Variants in SDK1 observed in about 807,000 individuals in gnomAD.
SDK1 encodes sidekick cell adhesion molecule 1.
Under a neutral mutation model 245.5 loss-of-function variants are expected in SDK1, and 157 were observed. That is an observed-to-expected ratio of 0.64 (90% CI 0.56 to 0.73). The LOEUF (loss-of-function observed/expected upper bound fraction) is 0.73. SDK1 is among the 30% of genes least tolerant of loss of function. The probability of loss-of-function intolerance (pLI) is 0.00; values close to 1 mark genes in which losing one functional copy is unlikely to be tolerated. For missense variants in SDK1, 3,583 were observed against 3,002.3 expected (o/e 1.19, Z -4.52); for synonymous variants, 1,647 against 1,278.5 (o/e 1.29, Z -6.15).
chr7:3,478,422 AT>A (rs1781411665), intron 1 of SDK1, among the ~76,000 whole-genome samples: 1 of 152,032 alleles, frequency 6.6e-6, no homozygotes, highest in African/African-American at 2.4e-5. Context: ...TTTGGGGAAA[AT>A]TTTTGAGAAC....
intron 40 of SDK1, among the ~76,000 whole-genome samples, chr7:4,228,979 G>A (rs894974635): frequency 6.6e-6 from 1 of 152,140 alleles, no homozygotes; most frequent in African/African-American, 2.4e-5. Context: ...CCTTTAAAAA[G>A]GATGAGGCCC....
intron 1 of SDK1, among the ~76,000 whole-genome samples, chr7:3,608,526 A>C (rs553113241): frequency 3.8e-4 from 58 of 152,386 alleles, no homozygotes; most frequent in Non-Finnish European, 7.2e-4. Context: ...AGTAAAAATT[A>C]GCATTTTGGA....
At chr7:3,796,134 G>C (rs1416189977) in intron 4 of SDK1, among the ~76,000 whole-genome samples, 1 of 152,196 alleles carries the variant, frequency 6.6e-6, no homozygotes, top group Non-Finnish European at 1.5e-5. Flanking sequence ...TGTTGAAGAG[G>C]AAGAAATAAT....
At chr7:4,262,018 CTTTTTTTTTTTTTTTTT>C (rs34610558) in intron 44 of SDK1, among the ~76,000 whole-genome samples, 3 of 59,256 alleles carry the variant, frequency 5.1e-5, no homozygotes, top group East Asian at 3.9e-4. Flanking sequence ...CTGCTTTCTC[CTTTTTTTTTTTTTTTTT>C]TTTTTTTTTT....
intron 1 of SDK1, among the ~76,000 whole-genome samples, chr7:3,440,628 C>G (rs1391436551): frequency 6.6e-6 from 1 of 152,006 alleles, no homozygotes; most frequent in African/African-American, 2.4e-5. Context: ...TAGGATGTGC[C>G]AGAGAGAAGA....
chr7:3,746,433 T>A (rs901565412), intron 4 of SDK1, among the ~76,000 whole-genome samples: 1 of 152,168 alleles, frequency 6.6e-6, no homozygotes, highest in Non-Finnish European at 1.5e-5. Flanking sequence ...TCAATTGATG[T>A]CTTCCTTTCA....
At chr7:4,196,785 C>G (rs1431509117) in intron 35 of SDK1, among the ~76,000 whole-genome samples, 1 of 152,174 alleles carries the variant, frequency 6.6e-6, no homozygotes, top group African/African-American at 2.4e-5. Flanking sequence ...CACACAGATC[C>G]TACCTCATGA....
chr7:4,003,205 C>T (rs1785203955), intron 14 of SDK1, among the ~76,000 whole-genome samples: 1 of 152,262 alleles, frequency 6.6e-6, no homozygotes, highest in African/African-American at 2.4e-5. Flanking sequence ...AAACACATGA[C>T]CTTCCACTGC....
intron 1 of SDK1, among the ~76,000 whole-genome samples, chr7:3,420,942 T>A (rs1330936472): frequency 1.3e-5 from 2 of 152,168 alleles, no homozygotes; most frequent in Non-Finnish European, 2.9e-5. Flanking sequence ...TGTGTGTTGT[T>A]CCCCTCCCTG....
intron 38 of SDK1, among the ~76,000 whole-genome samples, chr7:4,216,461 C>G (rs996734075): frequency 6.6e-6 from 1 of 152,162 alleles, no homozygotes; most frequent in African/African-American, 2.4e-5. Context: ...AATCCAGACT[C>G]TAACCCTTTC....
At chr7:3,334,016 T>TAGTTTCTCTCCCCACTTAGTTC (rs1240237107) in intron 1 of SDK1, among the ~76,000 whole-genome samples, 1 of 152,148 alleles carries the variant, frequency 6.6e-6, no homozygotes. Context: ...ACATCACACT[T>TAGTTTCTCTCCCCACTTAGTTC]AGTTTCTCTC....
intron 4 of SDK1, among the ~76,000 whole-genome samples, chr7:3,677,204 GTA>G (rs1783930108): frequency 6.6e-6 from 1 of 152,136 alleles, no homozygotes; most frequent in African/African-American, 2.4e-5. Context: ...GGGTATGTGT[GTA>G]TGTGTGTGTG....
chr7:3,390,435 C>T (rs527561125), intron 1 of SDK1, among the ~76,000 whole-genome samples: 106 of 152,292 alleles, frequency 7.0e-4, no homozygotes, highest in Admixed American at 1.2e-3. Flanking sequence ...TCTTATTGTG[C>T]ACAATTGATC....
chr7:4,078,109 G>A (rs1381995928), intron 21 of SDK1, among the ~76,000 whole-genome samples: 6 of 152,120 alleles, frequency 3.9e-5, no homozygotes, highest in South Asian at 2.1e-4. Flanking sequence ...GTGTTAGAGG[G>A]GAAACTGAGG....
intron 1 of SDK1, among the ~76,000 whole-genome samples, chr7:3,427,907 G>A (rs951887687): frequency 2.0e-5 from 3 of 149,796 alleles, no homozygotes; most frequent in Admixed American, 1.3e-4. Flanking sequence ...GATGTCGTTA[G>A]TGTCTCTTAG....
intron 1 of SDK1, among the ~76,000 whole-genome samples, chr7:3,317,480 T>A (rs964391989): frequency 6.6e-6 from 1 of 152,204 alleles, no homozygotes; most frequent in African/African-American, 2.4e-5. Context: ...CCCTTCATCT[T>A]CGCTCCTCAT....
intron 4 of SDK1, among the ~76,000 whole-genome samples, chr7:3,672,665 A>G (rs1188418352): frequency 7.1e-6 from 1 of 140,042 alleles, no homozygotes; most frequent in Non-Finnish European, 1.5e-5. Flanking sequence ...TATTAAATTT[A>G]TATATAAATT....
At chr7:3,742,165 C>T (rs7791816) in intron 4 of SDK1, among the ~76,000 whole-genome samples, 6,591 of 151,102 alleles carry the variant, frequency 0.044, 475 homozygotes, top group African/African-American at 0.15. Context: ...ATTTCTTTGC[C>T]CTTCTTTCTT....
At chr7:3,852,367 A>C (rs1780438982) in intron 5 of SDK1, among the ~76,000 whole-genome samples, 1 of 152,040 alleles carries the variant, frequency 6.6e-6, no homozygotes, top group African/African-American at 2.4e-5. Flanking sequence ...CCGTGCTGTC[A>C]CTAGCCATCA....
Sources: allele counts gnomAD v4.1 joint callset (sites outside exome capture counted in the v4.1 genomes callset), GRCh38; gene constraint gnomAD v4.1.1; transcripts MANE v1.5; gene names NCBI Gene and HGNC (gene_info 2026-07-23, HGNC 2026-07-21).